The following ANKRD11 variants were observed in gnomAD, a reference collection of about 807,000 sequenced individuals.
ANKRD11 encodes the protein ankyrin repeat domain 11.
A neutral mutation model predicts 195.7 loss-of-function variants in ANKRD11; 17 were observed. The observed-to-expected ratio is 0.09, with a 90% CI of 0.06 to 0.13. The LOEUF (loss-of-function observed/expected upper bound fraction) is 0.13. Ranked by LOEUF, ANKRD11 falls within the 10% of genes least tolerant of loss-of-function variation. ANKRD11 has a pLI of 1.00. For synonymous variants in ANKRD11, 1,953 were observed against 1,528.1 expected (o/e 1.28, Z -6.49); for missense variants, 3,735 against 3,566.1 (o/e 1.05, Z -1.21).
chr16:89,310,636 T>A (rs1481937091), intron 3 of ANKRD11, among the ~76,000 whole-genome samples: 1 of 152,224 alleles, frequency 6.6e-6, no homozygotes, highest in Non-Finnish European at 1.5e-5. Flanking sequence ...ATTTTGCAGC[T>A]TTCAGGGTAC....
chr16:89,384,879 C>CTTTTTTTTTTTTTTTTTTT lies in ANKRD11; in HGVS notation c.-60+33386_-60+33404dup, dbSNP rs869271846. 2.9e-3 allele frequency among the ~76,000 whole-genome samples: 147 copies of CTTTTTTTTTTTTTTTTTTT among 49,938 alleles called. 18 individuals carry two copies. Among genetic ancestry groups the CTTTTTTTTTTTTTTTTTTT allele is most frequent in the Non-Finnish European group, 3.7e-3 (106 of 28,702 alleles). 32.8% of individuals were successfully genotyped at this position (49,938 alleles called of 152,430 possible). A position where few individuals can be genotyped will look rare whatever the true frequency, so the allele number is the denominator to read the frequency against. ...GGAGCACACAATGAGAAATAGTTTT[C>CTTTTTTTTTTTTTTTTTTT]TTTTTTTTTTTTTTTTTTTTTTTTT... On this transcript the variant is annotated intron_variant, in intron 2 of 12. Coordinates refer to ENST00000301030, the MANE Select transcript of ANKRD11 (RefSeq NM_013275.6).
At chr16:89,380,429 C>T (rs1424574397) in intron 2 of ANKRD11, among the ~76,000 whole-genome samples, 2 of 152,134 alleles carry the variant, frequency 1.3e-5, no homozygotes, top group Non-Finnish European at 2.9e-5. Flanking sequence ...GCCATTTTAA[C>T]TCCTTTTCTC....
chr16:89,281,477 G>A lies in ANKRD11; in HGVS notation c.5065C>T (p.Leu1689=), dbSNP rs774573314. The A allele has an allele frequency of 3.7e-6, 6 of 1,614,196 alleles. No homozygotes were observed. The highest frequency in any genetic ancestry group is 5.1e-6 in the Non-Finnish European group (6 of 1,180,022). The change falls in exon 9 of 13, where the codon CTG becomes TTG. Residue 1689 remains leucine, a synonymous_variant. Transcript: ENST00000301030. This position sits in a 1 kb window ranked among gnomAD's most constrained non-coding sequence, Gnocchi z 5.5. Reference sequence around the variant, plus strand: ...TGGTCAGGCCTGGGGGACGCAGGCAGGACCTCTTTCATGTGAGGGCCTGCC... The same window carrying A: ...TGGTCAGGCCTGGGGGACGCAGGCAAGACCTCTTTCATGTGAGGGCCTGCC... ...WLAGPHMKEV[L]PASPRPDQSR...
chr16:89,412,884 GCAGAGGA>G (rs1418995868), intron 2 of ANKRD11, among the ~76,000 whole-genome samples: 1 of 152,158 alleles, frequency 6.6e-6, no homozygotes. Context: ...TCCCAGGTCA[GCAGAGGA>G]CAGAGGACAG....
intron 2 of ANKRD11, among the ~76,000 whole-genome samples, chr16:89,416,417 GCCTC>G (rs2042313887): frequency 6.6e-6 from 1 of 151,962 alleles, no homozygotes; most frequent in African/African-American, 2.4e-5. Context: ...TCCTGCCTCA[GCCTC>G]CCAACTAGCT....
intron 2 of ANKRD11, among the ~76,000 whole-genome samples, chr16:89,404,376 A>G (rs576964650): frequency 1.3e-5 from 2 of 152,322 alleles, no homozygotes; most frequent in South Asian, 4.1e-4. Context: ...GCATGAAAAA[A>G]ATTGCCTTCA....
rs768652993 is a variant in ANKRD11, at chr16:89,280,555, G to A, written c.5987C>T (p.Pro1996Leu). 33 of 1,612,988 alleles carry A rather than the reference G, an allele frequency of 2.0e-5. No individual in the cohort carries two copies. The Admixed American group carries it at 5.0e-4, about 24-fold the overall frequency. The change falls in exon 9 of 13, where the codon CCC (proline) becomes CTC (leucine). Residue 1996 changes from proline (P) to leucine (L), a missense_variant. Coordinates refer to ENST00000301030, the MANE Select transcript of ANKRD11 (RefSeq NM_013275.6). ...RFPESPKRFC[P>L]ADPLHSAAPG... ...GGCGGCAGAGTGGAGGGGGTCCGCG[G>A]GGCAGAAACGCTTTGGGGACTCGGG...
intron 1 of ANKRD11, among the ~76,000 whole-genome samples, chr16:89,430,882 C>T (rs1017899491): frequency 5.3e-5 from 8 of 152,286 alleles, no homozygotes; most frequent in African/African-American, 1.7e-4. Context: ...GTCAGCCCTG[C>T]CTGTGCTCTC....
Position 89,281,515 on chromosome 16 carries a change from G to T in ANKRD11, c.5027C>A (p.Ser1676Tyr). The change falls in exon 9 of 13, where the codon TCC (serine) becomes TAC (tyrosine). Residue 1676 changes from serine (S) to tyrosine (Y), a missense_variant. Ser to Tyr is a moderately radical substitution (Grantham distance 144, BLOSUM62 -2). Coordinates refer to ENST00000301030, the MANE Select transcript of ANKRD11 (RefSeq NM_013275.6). This position sits in a 1 kb window ranked among gnomAD's most constrained non-coding sequence, Gnocchi z 5.5. ...NKLHPASGAD[S>Y]KDWLAGPHMK... is the part of the protein sequence containing the mutation. ...GTGAGGGCCTGCCAGCCAGTCTTTG[G>T]AGTCTGCACCTGATGCTGGGTGTAG... is the stretch of plus-strand genomic sequence containing the variant. 6.2e-7 allele frequency: 1 copy of T among 1,614,264 alleles called. No homozygotes were observed. The highest frequency in any genetic ancestry group is 8.5e-7 in the Non-Finnish European group (1 of 1,180,048).
chr16:89,304,166 G>C (rs1309743599), intron 4 of ANKRD11, among the ~76,000 whole-genome samples: 2 of 152,220 alleles, frequency 1.3e-5, no homozygotes, highest in Admixed American at 1.3e-4. Context: ...AGGCCTCTGG[G>C]CTCCCTGCAA....
intron 3 of ANKRD11, chr16:89,313,675 G>T: frequency 8.6e-7 from 1 of 1,161,876 alleles, no homozygotes; most frequent in Non-Finnish European, 1.1e-6. Flanking sequence ...AACCATTTCA[G>T]CCTGTACCAG....
chr16:89,331,436 G>A (rs1283364106), intron 2 of ANKRD11, among the ~76,000 whole-genome samples: 1 of 152,144 alleles, frequency 6.6e-6, no homozygotes, highest in Non-Finnish European at 1.5e-5. Context: ...AGAACAAAGG[G>A]AGAATTTACA....
intron 2 of ANKRD11, among the ~76,000 whole-genome samples, chr16:89,331,438 GAATTTAC>G (rs2038061910): frequency 6.6e-6 from 1 of 152,174 alleles, no homozygotes; most frequent in Non-Finnish European, 1.5e-5. Flanking sequence ...AACAAAGGGA[GAATTTAC>G]AGATTAAAGA....
chr16:89,334,218 G>C (rs187582700), intron 2 of ANKRD11, among the ~76,000 whole-genome samples: 1 of 149,700 alleles, frequency 6.7e-6, no homozygotes, highest in Non-Finnish European at 1.5e-5. Context: ...CCCAAGCTGC[G>C]GGCTCAGGAC....
At chr16:89,394,835 T>C (rs961191326) in intron 2 of ANKRD11, among the ~76,000 whole-genome samples, 1 of 152,164 alleles carries the variant, frequency 6.6e-6, no homozygotes, top group Non-Finnish European at 1.5e-5. Flanking sequence ...GAGTTATTTT[T>C]CAAACGTCCA....
chr16:89,476,411 C>T (rs1373763814), intron 1 of ANKRD11, among the ~76,000 whole-genome samples: 1 of 152,126 alleles, frequency 6.6e-6, no homozygotes, highest in Non-Finnish European at 1.5e-5. Context: ...CGTAGAATAG[C>T]AAAGCAAACT....
rs143360092 is a variant in ANKRD11 at position 89,331,847 on chromosome 16, G to A, written c.-59-14769C>T. On this transcript the variant is annotated intron_variant, in intron 2 of 12. Transcript: ENST00000301030. ...GGTGATGGTTTTGAATGTTTTCGGC[G>A]GATGCAATGGTGTGGACTCGGGTTT... 4.0e-3 allele frequency among the ~76,000 whole-genome samples: 603 copies of A among 152,266 alleles called. 3 individuals carry two copies. The highest frequency in any genetic ancestry group is 0.014 in the African/African-American group (580 of 41,544).
At chr16:89,274,602 G>A (rs556975346) in intron 11 of ANKRD11, 31 of 688,062 alleles carry the variant, frequency 4.5e-5, no homozygotes, top group South Asian at 4.2e-4. Context: ...GGCCTTGCCC[G>A]TGCGGGGAGC....
intron 2 of ANKRD11, among the ~76,000 whole-genome samples, chr16:89,391,337 G>C (rs917360736): frequency 5.3e-5 from 8 of 152,086 alleles, no homozygotes; most frequent in African/African-American, 1.7e-4. Context: ...CTTGCGGTGG[G>C]TGCTGGAGTG....
Sources: gnomAD v4.1 joint callset for allele counts (sites outside exome capture counted in the v4.1 genomes callset) on GRCh38, gnomAD v4.1.1 for gene constraint, Gnocchi (gnomAD v3.1) non-coding constraint, MANE v1.5 for transcripts, NCBI Gene and HGNC (gene_info 2026-07-23, HGNC 2026-07-21) for gene names.